The following H3-3A variants were observed in gnomAD, a reference collection of about 807,000 sequenced individuals.
The protein encoded by H3-3A is histone H3.3.
For synonymous variants in H3-3A, 49 were observed against 61.4 expected (o/e 0.80, Z 0.95); for missense variants, 7 against 184.0 (o/e 0.04, Z 5.57).
At chr1:226,066,787 A>G (rs41268727) in intron 3 of H3-3A, 1 of 152,460 alleles carries the variant, frequency 6.6e-6, no homozygotes, top group Non-Finnish European at 1.5e-5. Context: ...AGTACATTCC[A>G]TTGGAGGATT....
At chr1:226,067,690 C>T (rs1196049837) in intron 3 of H3-3A, among the ~76,000 whole-genome samples, 1 of 151,430 alleles carries the variant, frequency 6.6e-6, no homozygotes, top group Non-Finnish European at 1.5e-5. Flanking sequence ...TGCAGTGAGC[C>T]GAGATGGCGC....
chr1:226,064,232 T>G, intron 1 of H3-3A, 97 bp from the exon 2 acceptor site: 1 of 812,662 alleles, frequency 1.2e-6, no homozygotes, highest in Non-Finnish European at 2.0e-6. Flanking sequence ...TTTATACTGA[T>G]CATAATTTCC....
chr1:226,065,925 T>C (rs749370259), intron 3 of H3-3A, 116 bp downstream of exon 3: 7 of 826,420 alleles, frequency 8.5e-6, no homozygotes, highest in Middle Eastern at 2.1e-4. Flanking sequence ...GTAGTTGATA[T>C]TGTTACTTCA....
At chr1:226,070,297 C>A (rs1362162048) in intron 3 of H3-3A, among the ~76,000 whole-genome samples, 1 of 149,254 alleles carries the variant, frequency 6.7e-6, no homozygotes, top group East Asian at 2.0e-4. Context: ...CTAGCTAACA[C>A]AATGAAGCCC....
intron 3 of H3-3A, among the ~76,000 whole-genome samples, chr1:226,068,334 A>C (rs1380010694): frequency 6.6e-6 from 1 of 152,232 alleles, no homozygotes; most frequent in African/African-American, 2.4e-5. Context: ...CCCAGCTACC[A>C]CATGCCACAT....
chr1:226,071,298 C>A, intron 3 of H3-3A, 53 bp from the exon 4 acceptor site: 2 of 1,485,914 alleles, frequency 1.3e-6, no homozygotes, highest in Non-Finnish European at 1.9e-6. Flanking sequence ...ATAGTTGGGT[C>A]TTAACTATTG....
chr1:226,071,609 T>C lies in H3-3A; in HGVS notation c.*130T>C. ...GGTCAAAAGGTACCTAAGTATATGA[T>C]TGCGAGTGGAAAAATAGGGGACAGA... is the stretch of plus-strand genomic sequence containing the variant. On this transcript the variant is annotated 3_prime_UTR_variant, in exon 4 of 4. Coordinates refer to ENST00000366815, the MANE Select transcript of H3-3A (RefSeq NM_002107.7). 2 of 464,554 alleles carry C rather than the reference T, an allele frequency of 4.3e-6. No homozygotes were observed. The highest frequency in any genetic ancestry group is 3.3e-5 in the East Asian group (1 of 30,674). 28.8% of individuals were successfully genotyped at this position (464,554 alleles called of 1,614,324 possible).
chr1:226,064,628 CT>C, intron 2 of H3-3A, 149 bp downstream of exon 2: 1 of 609,932 alleles, frequency 1.6e-6, no homozygotes, highest in Non-Finnish European at 2.9e-6. Flanking sequence ...AATAAATGTA[CT>C]GTATGATCAT....
rs771848673 is a variant in H3-3A at position 226,071,319 on chromosome 1, C to T, written c.283-32C>T. The T allele has an allele frequency of 1.0e-5, 16 of 1,587,044 alleles. No individual in the cohort carries two copies. The Admixed American group carries it at 2.7e-4, about 27-fold the overall frequency. On this transcript the variant is annotated intron_variant, in intron 3 of 3. Coordinates refer to ENST00000366815, the MANE Select transcript of H3-3A (RefSeq NM_002107.7). ...GGGTCTTAACTATTGGAAATAACAT[C>T]ATCAGTAATTTTTTCTTCATTCCTT...
chr1:226,064,692 C>G (rs1442805575), intron 2 of H3-3A, among the ~76,000 whole-genome samples: 1 of 151,932 alleles, frequency 6.6e-6, no homozygotes, highest in African/African-American at 2.4e-5. Flanking sequence ...ACTTTGAAGC[C>G]ATAATCTTAC....
At chr1:226,066,713 G>A (rs1657937063) in intron 3 of H3-3A, 1 of 152,422 alleles carries the variant, frequency 6.6e-6, no homozygotes, top group African/African-American at 2.4e-5. Flanking sequence ...TAAAAATGCT[G>A]ATTGTTAGGC....
At chr1:226,062,515 G>C (rs945699328), upstream of H3-3A, among the ~76,000 whole-genome samples, 1 of 147,466 alleles carries the variant, frequency 6.8e-6, no homozygotes, top group African/African-American at 2.6e-5. Flanking sequence ...GCGCGAGGCG[G>C]CCTGGAGGAG....
At chr1:226,070,510 A>G (rs989029723) in intron 3 of H3-3A, among the ~76,000 whole-genome samples, 1 of 151,646 alleles carries the variant, frequency 6.6e-6, no homozygotes. Context: ...GCGGTGGCTC[A>G]CGCCTATAAT....
intron 3 of H3-3A, among the ~76,000 whole-genome samples, chr1:226,069,299 G>C (rs981359882): frequency 1.3e-5 from 2 of 151,958 alleles, no homozygotes; most frequent in Non-Finnish European, 2.9e-5. Context: ...TGCCTGCCTC[G>C]GCCTCCCAAA....
chr1:226,063,545 G>A (rs1319053055), intron 1 of H3-3A, among the ~76,000 whole-genome samples: 1 of 152,184 alleles, frequency 6.6e-6, no homozygotes, highest in African/African-American at 2.4e-5. Flanking sequence ...TTTTGTTCTG[G>A]TCGGGGAGCC....
intron 3 of H3-3A, among the ~76,000 whole-genome samples, chr1:226,070,904 T>C (rs755322869): frequency 3.2e-4 from 48 of 152,244 alleles, no homozygotes; most frequent in Non-Finnish European, 2.8e-4. Context: ...CACCATGTTA[T>C]ACTACTGGAC....
intron 3 of H3-3A, among the ~76,000 whole-genome samples, chr1:226,070,536 G>C (rs1658079855): frequency 6.6e-6 from 1 of 152,074 alleles, no homozygotes; most frequent in African/African-American, 2.4e-5. Context: ...CACTTTGGGA[G>C]GCCAAGGTGG....
intron 3 of H3-3A, among the ~76,000 whole-genome samples, chr1:226,070,906 C>T (rs1187909996): frequency 6.6e-6 from 1 of 152,176 alleles, no homozygotes; most frequent in Admixed American, 6.5e-5. Flanking sequence ...CCATGTTATA[C>T]TACTGGACAA....
chr1:226,065,125 A>T (rs377604922), intron 2 of H3-3A, among the ~76,000 whole-genome samples: 1 of 152,224 alleles, frequency 6.6e-6, no homozygotes, highest in African/African-American at 2.4e-5. Context: ...AAACTTTTCC[A>T]CGTGGAAGGA....
Sources: allele counts gnomAD v4.1 joint callset (sites outside exome capture counted in the v4.1 genomes callset), GRCh38; gene constraint gnomAD v4.1.1; transcripts MANE v1.5; gene names NCBI Gene and HGNC (gene_info 2026-07-23, HGNC 2026-07-21).